Variants in FATE1 observed in about 807,000 individuals in gnomAD.
FATE1 encodes the protein fetal and adult testis-expressed transcript protein.
A neutral mutation model predicts 16.0 loss-of-function variants in FATE1; 18 were observed. The observed-to-expected ratio is 1.12, with a 90% CI of 0.78 to 1.66. The LOEUF (loss-of-function observed/expected upper bound fraction) is 1.66, where lower values mean the gene tolerates loss of function less well. FATE1 is among the 40% of genes most tolerant of loss of function. The probability of loss-of-function intolerance (pLI) is 0.00; values close to 1 mark genes in which losing one functional copy is unlikely to be tolerated. For missense variants in FATE1, 169 were observed against 152.7 expected, an observed-to-expected ratio of 1.11 and a Z score of -0.56; for synonymous variants, 76 against 56.9, an observed-to-expected ratio of 1.34 and a Z score of -1.51.
In FATE1 at chrX:151,722,718, T is replaced by G. The variant is rs1338423461; in HGVS notation, c.511T>G (p.Ser171Ala). ...GACCCTGATCATCGCCGTGCTGGTG[T>G]CGGCCAGCATTGCCAACCTGTGGCT... ...RETLIIAVLV[S>A]ASIANLWLWM... Residue 171 changes from serine to alanine, a missense_variant, in exon 5 of 5, where the codon TCG becomes GCG. Coordinates refer to ENST00000370350, the MANE Select transcript of FATE1 (RefSeq NM_033085.3). 1.7e-6 allele frequency: 2 copies of G among 1,210,743 alleles called. No individual in the cohort carries two copies. The highest frequency in any genetic ancestry group is 2.2e-5 in the Admixed American group (1 of 46,017).
intron 2 of FATE1, among the ~76,000 whole-genome samples, chrX:151,720,438 C>A (rs186082904): frequency 8.9e-6 from 1 of 111,970 alleles, no homozygotes. Flanking sequence ...GGAGCCTTAA[C>A]AGGAAGGAGT....
At position 151,716,149 on chromosome X, in the gene FATE1, G is replaced by A. The variant is rs374564825; in HGVS notation, c.30G>A (p.Ala10=). MAGGPPNTK[A]EMEMSLAEEL... ...CAGGAGGCCCTCCCAACACCAAGGC[G>A]GAGATGGAAATGTCCCTGGCAGAAG... Residue 10 remains alanine (A), a synonymous_variant, in exon 1 of 5, where the codon GCG becomes GCA. Coordinates refer to ENST00000370350, the MANE Select transcript of FATE1 (RefSeq NM_033085.3). The A allele has an allele frequency of 6.6e-5, 77 of 1,166,080 alleles. No homozygotes were observed. Among genetic ancestry groups the A allele is most frequent in the South Asian group, 5.3e-4 (28 of 52,404 alleles).
chrX:151,719,346 A>G (rs984337325), intron 2 of FATE1, among the ~76,000 whole-genome samples: 2 of 112,355 alleles, frequency 1.8e-5, no homozygotes, highest in African/African-American at 3.2e-5. Context: ...CTTTAAAATT[A>G]CATGGAAATT....
At chrX:151,721,783 A>T (rs1375661862) in intron 3 of FATE1, 120 bp from the exon 4 acceptor site, 50 of 632,796 alleles carry the variant, frequency 7.9e-5, no homozygotes, top group Non-Finnish European at 1.3e-5. Flanking sequence ...AGAGGACTGG[A>T]GGCTGATAGA....
At chrX:151,717,508 G>T in intron 2 of FATE1, 109 bp downstream of exon 2, 1 of 925,491 alleles carries the variant, frequency 1.1e-6, no homozygotes, top group Non-Finnish European at 1.5e-6. Context: ...GACTTGTGAG[G>T]AGGAGGAAGC....
Position 151,722,950 on chromosome X carries a change from T to C in FATE1, c.*191T>C. ...CACTGCACTGGGAGGTCCTGGCTGC[T>C]GCGAAGCTGGAGGAGGACTGCGTGG... On this transcript the variant is annotated 3_prime_UTR_variant, in exon 5 of 5. Transcript: ENST00000370350. 2.0e-6 allele frequency: 1 copy of C among 502,104 alleles called. No homozygotes were observed. The highest frequency in any genetic ancestry group is 4.0e-5 in the East Asian group (1 of 24,939). The allele number at this position is 502,104 out of a possible 1,213,427, so 41.4% of individuals were successfully genotyped here. A position where few individuals can be genotyped will look rare whatever the true frequency, so the allele number is the denominator to read the frequency against.
chrX:151,721,886 T>C lies in FATE1; in HGVS notation c.342-17T>C, dbSNP rs1171491901. The C allele has an allele frequency of 8.3e-7, 1 of 1,207,584 alleles. No individual in the cohort carries two copies. Among genetic ancestry groups the C allele is most frequent in the Non-Finnish European group, 1.1e-6 (1 of 892,302 alleles). On this transcript the variant is annotated splice_polypyrimidine_tract_variant and intron_variant, in intron 3 of 4. Coordinates refer to ENST00000370350, the MANE Select transcript of FATE1 (RefSeq NM_033085.3). ...GACCACCAGCAGCTTTGACCATCTG[T>C]CTTTTTTCTCTCCCAGCAACCCAGG...
In FATE1 at chrX:151,721,517, C is replaced by T. The variant is rs961067372; in HGVS notation, c.341+16C>T. The T allele has an allele frequency of 4.2e-6, 5 of 1,179,891 alleles. No individual in the cohort carries two copies. The Admixed American group carries it at 6.5e-5, about 15-fold the overall frequency. ...ATTATGATCGGTAAGAGCTGAGGGT[C>T]TGTGGGCCCTGGCTGCTCAGACAGG... On this transcript the variant is annotated intron_variant, in intron 3 of 4. Transcript: ENST00000370350.
intron 2 of FATE1, among the ~76,000 whole-genome samples, chrX:151,719,537 G>C (rs2015097323): frequency 8.9e-6 from 1 of 111,818 alleles, no homozygotes; most frequent in Non-Finnish European, 1.9e-5. Flanking sequence ...GGAAAATCAA[G>C]CAATGGTCTG....
intron 1 of FATE1, 92 bp from the exon 2 acceptor site, chrX:151,717,180 G>A: frequency 9.5e-7 from 1 of 1,053,374 alleles, no homozygotes; most frequent in Non-Finnish European, 1.3e-6. Context: ...AAGAAAGCTG[G>A]AGACTCTGTC....
intron 2 of FATE1, among the ~76,000 whole-genome samples, chrX:151,718,093 A>G (rs936621662): frequency 4.2e-5 from 4 of 95,057 alleles, no homozygotes; most frequent in Admixed American, 1.2e-4. Flanking sequence ...CAAGAAAGAA[A>G]GAAAGAAAGA....
intron 2 of FATE1, among the ~76,000 whole-genome samples, chrX:151,719,151 A>C (rs2015092386): frequency 8.9e-6 from 1 of 112,009 alleles, no homozygotes; most frequent in African/African-American, 3.2e-5. Context: ...TATTGAATTT[A>C]TAAATTAAAT....
chrX:151,716,274 C>T lies in FATE1; in HGVS notation c.106+49C>T, dbSNP rs58577481. On this transcript the variant is annotated intron_variant, in intron 1 of 4. Coordinates refer to ENST00000370350, the MANE Select transcript of FATE1 (RefSeq NM_033085.3). ...TAGGCTACAGCCAACTGTGTAGATA[C>T]GTGTCTATACCTGTGCATGTGTGTG... 9 of 1,018,069 alleles carry T rather than the reference C, an allele frequency of 8.8e-6. No individual in the cohort carries two copies. The Middle Eastern group carries it at 1.3e-3, about 143-fold the overall frequency. 83.9% of individuals were successfully genotyped at this position (1,018,069 alleles called of 1,213,427 possible). A position where few individuals can be genotyped will look rare whatever the true frequency, so the allele number is the denominator to read the frequency against.
At chrX:151,722,502 C>T (rs773605558) in intron 4 of FATE1, 126 bp from the exon 5 acceptor site, 2 of 1,028,617 alleles carry the variant, frequency 1.9e-6, no homozygotes, top group Admixed American at 4.9e-5. Flanking sequence ...TAGGGGCGCT[C>T]CCCGCTCCAC....
In FATE1 at chrX:151,716,218, G is replaced by A. The variant is rs769411748; in HGVS notation, c.99G>A (p.Val33=). The change falls in exon 1 of 5, where the codon GTG becomes GTA. Residue 33 remains valine (V), a synonymous_variant. Coordinates refer to ENST00000370350, the MANE Select transcript of FATE1 (RefSeq NM_033085.3). ...AAGGGGAAAACCAAGAGCACCTGGTGATAGCAGGTGAGGATCCCCTAAAAT... is the reference window on the plus strand; with the variant it reads ...AAGGGGAAAACCAAGAGCACCTGGTAATAGCAGGTGAGGATCCCCTAAAAT... The part of the protein sequence containing the change: ...GRQGENQEHL[V]IAEMMELGSR... 1 of 1,164,373 alleles carries A rather than the reference G, an allele frequency of 8.6e-7. No homozygotes were observed.
Position 151,716,097 on chromosome X carries a change from T to C in FATE1, c.-23T>C, listed in dbSNP as rs2015056270. 1 of 1,149,890 alleles carries C rather than the reference T, an allele frequency of 8.7e-7. No homozygotes were observed. The highest frequency in any genetic ancestry group is 1.8e-5 in the African/African-American group (1 of 56,030). The allele number at this position is 1,149,890 out of a possible 1,213,427, so 94.8% of individuals were successfully genotyped here. A position where few individuals can be genotyped will look rare whatever the true frequency, so the allele number is the denominator to read the frequency against. ...CACCCTGTGCATCCTTAGCCATAGC[T>C]TACAAGAGAACAGCTGGTTGTGATG... is the stretch of plus-strand genomic sequence containing the variant. On this transcript the variant is annotated 5_prime_UTR_variant, in exon 1 of 5. Coordinates refer to ENST00000370350, the MANE Select transcript of FATE1 (RefSeq NM_033085.3).
Position 151,723,060 on chromosome X carries a change from A to C in FATE1, c.*301A>C. 1 of 271,717 alleles carries C rather than the reference A, an allele frequency of 3.7e-6. No homozygotes were observed. The highest frequency in any genetic ancestry group is 6.5e-6 in the Non-Finnish European group (1 of 154,009). The allele number at this position is 271,717 out of a possible 1,213,427, so 22.4% of individuals were successfully genotyped here. A position where few individuals can be genotyped will look rare whatever the true frequency, so the allele number is the denominator to read the frequency against. ...ACCTAGTGGCAACCTTGCCTTCCTG[A>C]CCTCAGCGGCCCTTCTGTTCCATCC... On this transcript the variant is annotated 3_prime_UTR_variant, in exon 5 of 5. Coordinates refer to ENST00000370350, the MANE Select transcript of FATE1 (RefSeq NM_033085.3).
chrX:151,722,082 C>A, intron 4 of FATE1, 101 bp downstream of exon 4: 1 of 732,886 alleles, frequency 1.4e-6, no homozygotes, highest in Non-Finnish European at 2.1e-6. Flanking sequence ...AGTCATCTTT[C>A]CCTTTAGCGC....
chrX:151,721,844 T>C (rs2015118963), intron 3 of FATE1, 59 bp from the exon 4 acceptor site: 1 of 1,086,154 alleles, frequency 9.2e-7, no homozygotes, highest in African/African-American at 1.8e-5. Context: ...CACTGCCTTC[T>C]TGTGCTCCCT....
Sources: gnomAD v4.1 joint callset for allele counts (sites outside exome capture counted in the v4.1 genomes callset) on GRCh38, gnomAD v4.1.1 for gene constraint, MANE v1.5 for transcripts, NCBI Gene and HGNC (gene_info 2026-07-23, HGNC 2026-07-21) for gene names.